The following CCSER1 variants were observed in gnomAD, a reference collection of about 807,000 sequenced individuals.
CCSER1 encodes coiled-coil serine rich protein 1.
Under a neutral mutation model 82.0 loss-of-function variants are expected in CCSER1, and 41 were observed. That is an observed-to-expected ratio of 0.50 (90% CI 0.39 to 0.65). The LOEUF is 0.65. Ranked by LOEUF, CCSER1 falls within the 30% of genes least tolerant of loss-of-function variation. The probability of loss-of-function intolerance (pLI) is 0.00; values close to 1 mark genes in which losing one functional copy is unlikely to be tolerated. For missense variants in CCSER1, 1,119 were observed against 1,064.2 expected, an observed-to-expected ratio of 1.05 and a Z score of -0.72; for synonymous variants, 414 against 383.9, an observed-to-expected ratio of 1.08 and a Z score of -0.92.
At chr4:90,804,241 C>G (rs1757211684) in intron 7 of CCSER1, among the ~76,000 whole-genome samples, 1 of 151,942 alleles carries the variant, frequency 6.6e-6, no homozygotes, top group Non-Finnish European at 1.5e-5. Context: ...TCAGTTTTGG[C>G]TTTTTTTGCT....
chr4:91,330,572 A>T (rs937228853), intron 10 of CCSER1, among the ~76,000 whole-genome samples: 2 of 152,182 alleles, frequency 1.3e-5, no homozygotes, highest in Non-Finnish European at 2.9e-5. Context: ...CGGAAGCAAC[A>T]TCCAAATGCT....
rs1764815276 is a variant in CCSER1 at position 91,601,515 on chromosome 4, G to A, written c.*2458G>A. 6.6e-6 allele frequency: 1 copy of A among 151,966 alleles called. No homozygotes were observed. The highest frequency in any genetic ancestry group is 2.1e-4 in the South Asian group (1 of 4,830). 9.4% of individuals were successfully genotyped at this position (151,966 alleles called of 1,614,324 possible). On this transcript the variant is annotated 3_prime_UTR_variant, in exon 11 of 11. Transcript: ENST00000509176. ...GGGGTTCTTTGTAAGTTCCTCTTGT[G>A]TATATATAGTAACTTATAACAATGG...
intron 10 of CCSER1, among the ~76,000 whole-genome samples, chr4:91,363,376 TGTGTGTGTGTGTGTGA>T: frequency 6.6e-6 from 1 of 151,404 alleles, no homozygotes; most frequent in African/African-American, 2.4e-5. Flanking sequence ...TGTGTGTGTG[TGTGTGTGTGTGTGTGA>T]GACAAAAATA....
chr4:90,913,630 C>G (rs1033860943), intron 8 of CCSER1, among the ~76,000 whole-genome samples: 2 of 152,156 alleles, frequency 1.3e-5, no homozygotes, highest in Non-Finnish European at 2.9e-5. Context: ...GGATCAAATT[C>G]ACACATAACA....
intron 7 of CCSER1, among the ~76,000 whole-genome samples, chr4:90,730,863 A>G (rs543250999): frequency 6.6e-6 from 1 of 152,336 alleles, no homozygotes; most frequent in South Asian, 2.1e-4. Context: ...TGAGACAAGT[A>G]ATACAAGTTT....
At chr4:91,247,984 A>G (rs1739940715) in intron 10 of CCSER1, among the ~76,000 whole-genome samples, 1 of 152,224 alleles carries the variant, frequency 6.6e-6, no homozygotes, top group Non-Finnish European at 1.5e-5. Context: ...ATCTTGGAGC[A>G]TTATGTGTTA....
chr4:90,926,255 T>A lies in CCSER1; in HGVS notation c.2172+2808T>A, dbSNP rs142223535. On this transcript the variant is annotated intron_variant, in intron 9 of 10. Transcript: ENST00000509176. ...ATCTATTTATAACTTGCAAATTGTG[T>A]TTATTCAAAAACAAGAAACATCTCG... Among the ~76,000 whole-genome samples, 954 of 152,110 alleles carry A rather than the reference T, an allele frequency of 6.3e-3. 4 individuals are homozygous for A. Among genetic ancestry groups the A allele is most frequent in the African/African-American group, 0.022 (905 of 41,556 alleles).
At chr4:90,336,417 C>T (rs1382224246) in intron 3 of CCSER1, among the ~76,000 whole-genome samples, 2 of 152,086 alleles carry the variant, frequency 1.3e-5, no homozygotes, top group African/African-American at 4.8e-5. Flanking sequence ...ACACTTAGGA[C>T]CAATTTGAAC....
chr4:90,947,853 A>G (rs1166332357), intron 9 of CCSER1, among the ~76,000 whole-genome samples: 1 of 152,116 alleles, frequency 6.6e-6, no homozygotes, highest in Non-Finnish European at 1.5e-5. Context: ...TTGATCCAGA[A>G]ATAGATAATT....
At chr4:90,752,781 C>T (rs1197509674) in intron 7 of CCSER1, among the ~76,000 whole-genome samples, 1 of 152,170 alleles carries the variant, frequency 6.6e-6, no homozygotes, top group South Asian at 2.1e-4. Flanking sequence ...GTTTCAGATT[C>T]ATATATTCAA....
chr4:91,268,215 T>TA (rs1741751462), intron 10 of CCSER1, among the ~76,000 whole-genome samples: 1 of 152,120 alleles, frequency 6.6e-6, no homozygotes, highest in African/African-American at 2.4e-5. Context: ...TAGAGGTAAA[T>TA]AAAAAAGAAG....
chr4:91,357,636 TTC>T lies in CCSER1; in HGVS notation c.2218-240935_2218-240934del, dbSNP rs550171998. Among the ~76,000 whole-genome samples, 32 of 152,070 alleles carry T rather than the reference TTC, an allele frequency of 2.1e-4. No homozygotes were observed. The East Asian group carries it at 4.6e-3, about 22-fold the overall frequency. Reference sequence around the variant, plus strand: ...GGTATATTTTACTTTTCTTATACACTTCGCACATAAACTGTTTTTTTTAATGG... The same window carrying T: ...GGTATATTTTACTTTTCTTATACACTGCACATAAACTGTTTTTTTTAATGG... On this transcript the variant is annotated intron_variant, in intron 10 of 10. Transcript: ENST00000509176.
At chr4:90,707,467 T>C (rs1199986557) in intron 6 of CCSER1, among the ~76,000 whole-genome samples, 1 of 151,822 alleles carries the variant, frequency 6.6e-6, no homozygotes, top group East Asian at 1.9e-4. Flanking sequence ...GAAATCATTC[T>C]GCCTTCTCTT....
At chr4:90,548,309 C>G (rs1777030715) in intron 5 of CCSER1, among the ~76,000 whole-genome samples, 1 of 152,130 alleles carries the variant, frequency 6.6e-6, no homozygotes, top group Admixed American at 6.6e-5. Flanking sequence ...CCAATCAGCC[C>G]TTTAAAGTGC....
chr4:91,407,218 GA>G (rs1480939341), intron 10 of CCSER1, among the ~76,000 whole-genome samples: 3 of 152,074 alleles, frequency 2.0e-5, no homozygotes, highest in Non-Finnish European at 4.4e-5. Flanking sequence ...AAATTACTTT[GA>G]ACAACTCGAG....
intron 10 of CCSER1, among the ~76,000 whole-genome samples, chr4:91,243,699 C>T (rs376527584): frequency 2.0e-5 from 3 of 152,258 alleles, no homozygotes; most frequent in South Asian, 4.1e-4. Flanking sequence ...GGGAAGAACC[C>T]ATTCTCTCCA....
intron 4 of CCSER1, among the ~76,000 whole-genome samples, chr4:90,420,128 T>C (rs554183249): frequency 1.9e-4 from 29 of 152,128 alleles, no homozygotes; most frequent in African/African-American, 7.0e-4. Flanking sequence ...ACATTTTTAG[T>C]GTAGATATTT....
At chr4:90,669,068 G>A (rs1448383366) in intron 6 of CCSER1, among the ~76,000 whole-genome samples, 1 of 151,954 alleles carries the variant, frequency 6.6e-6, no homozygotes, top group Non-Finnish European at 1.5e-5. Flanking sequence ...ATTTCAGATA[G>A]ACAATGGAAA....
chr4:91,590,350 A>G (rs1300379128), intron 10 of CCSER1, among the ~76,000 whole-genome samples: 1 of 152,140 alleles, frequency 6.6e-6, no homozygotes. Flanking sequence ...TTCGGTTATT[A>G]CATCAACTTA....
Sources: gnomAD v4.1 joint callset for allele counts (sites outside exome capture counted in the v4.1 genomes callset) on GRCh38, gnomAD v4.1.1 for gene constraint, MANE v1.5 for transcripts, NCBI Gene and HGNC (gene_info 2026-07-23, HGNC 2026-07-21) for gene names.